SUSD5: variants seen among roughly 807,000 people sequenced by gnomAD.
SUSD5 encodes sushi domain-containing protein 5.
Under a neutral mutation model 29.5 loss-of-function variants are expected in SUSD5, and 33 were observed. The observed-to-expected ratio is 1.12, with a 90% CI of 0.85 to 1.49. The LOEUF (loss-of-function observed/expected upper bound fraction) is 1.49, where lower values mean the gene tolerates loss of function less well. Ranked by LOEUF, SUSD5 falls within the 40% of genes most tolerant of loss-of-function variation. The pLI is 0.00. For synonymous variants in SUSD5, 308 were observed against 325.3 expected (o/e 0.95, Z 0.57); for missense variants, 776 against 800.6 (o/e 0.97, Z 0.37).
At position 33,153,870 on chromosome 3, in the gene SUSD5, A is replaced by G. The variant is rs1248972157; in HGVS notation, c.762T>C (p.Ser254=). 1.2e-6 allele frequency: 2 copies of G among 1,614,014 alleles called. No homozygotes were observed. The highest frequency in any genetic ancestry group is 1.6e-4 in the Middle Eastern group (1 of 6,062). ...APKQDRLVSI[S]VGRENIARDK... ...CCCGGGCTATGTTTTCTCTCCCCAC[A>G]GAAATGGAGACCAGACGGTCCTGTT... Residue 254 remains serine (S), a synonymous_variant, in exon 5 of 5, where the codon TCT becomes TCC. Coordinates refer to ENST00000309558, the MANE Select transcript of SUSD5 (RefSeq NM_015551.2).
chr3:33,172,076 C>T (rs1238090717), intron 4 of SUSD5, among the ~76,000 whole-genome samples: 1 of 152,064 alleles, frequency 6.6e-6, no homozygotes, highest in Non-Finnish European at 1.5e-5. Flanking sequence ...GAGTGATTAT[C>T]CAAACCCAGA....
intron 1 of SUSD5, among the ~76,000 whole-genome samples, chr3:33,217,685 C>A (rs934309107): frequency 6.6e-6 from 1 of 151,788 alleles, no homozygotes; most frequent in East Asian, 1.9e-4. Flanking sequence ...TTCCTGACAA[C>A]CATGCTTTTT....
In SUSD5 at chr3:33,152,916, TCTG is replaced by T. The variant is rs1281845051; in HGVS notation, c.1713_1715del (p.Ser571del). The stretch of plus-strand genomic sequence containing the variant: ...TGACAATGGTGGCGATCACAGGGCC[TCTG>T]CTGAGGCCAGGACATCCGTCCCCCA... On this transcript the variant is annotated inframe_deletion, in exon 5 of 5. Transcript: ENST00000309558. 1 of 1,613,868 alleles carries T rather than the reference TCTG, an allele frequency of 6.2e-7. No homozygotes were observed. The highest frequency in any genetic ancestry group is 1.7e-5 in the Admixed American group (1 of 60,006).
intron 4 of SUSD5, among the ~76,000 whole-genome samples, chr3:33,161,240 AGGAG>A (rs748481489): frequency 6.6e-6 from 1 of 152,182 alleles, no homozygotes; most frequent in Non-Finnish European, 1.5e-5. Context: ...AGAAGCTGGG[AGGAG>A]GTAAATGGAG....
At chr3:33,191,307 T>C (rs1391147441) in intron 3 of SUSD5, among the ~76,000 whole-genome samples, 1 of 151,970 alleles carries the variant, frequency 6.6e-6, no homozygotes, top group African/African-American at 2.4e-5. Context: ...TTTTTTGTAT[T>C]TTTTAGTAGA....
chr3:33,158,223 T>G (rs1373787617), intron 4 of SUSD5, among the ~76,000 whole-genome samples: 1 of 152,210 alleles, frequency 6.6e-6, no homozygotes, highest in Non-Finnish European at 1.5e-5. Context: ...ATAGGCCCAC[T>G]TCTAAATTAC....
chr3:33,205,739 C>T (rs549503815), intron 3 of SUSD5, among the ~76,000 whole-genome samples: 13 of 152,310 alleles, frequency 8.5e-5, no homozygotes, highest in East Asian at 5.8e-4. Flanking sequence ...CCCAAGCCAA[C>T]GGCCAGCCAA....
rs1450005249 is a variant in SUSD5 at position 33,213,997 on chromosome 3, A to C, written c.221T>G (p.Leu74Arg). ...RGAHLASADE[L>R]RRVVQDCSFA... ...GGAGCAATCCTGTACCACTCTCCGC[A>C]GCTCGTCTGCAGATGCCAGGTGAGC... Residue 74 changes from leucine to arginine, a missense_variant, in exon 2 of 5, where the codon CTG (leucine) becomes CGG (arginine). Physicochemically the swap from Leu to Arg is moderately radical, Grantham distance 102 (BLOSUM62 -2). Transcript: ENST00000309558. 6.2e-7 allele frequency: 1 copy of C among 1,613,878 alleles called. No individual in the cohort carries two copies. Among genetic ancestry groups the C allele is most frequent in the Non-Finnish European group, 8.5e-7 (1 of 1,179,836 alleles).
chr3:33,179,476 GCTT>G (rs1559449811), intron 3 of SUSD5, among the ~76,000 whole-genome samples: 2 of 152,142 alleles, frequency 1.3e-5, no homozygotes, highest in Non-Finnish European at 2.9e-5. Context: ...TGTTTGTTGA[GCTT>G]CTTGTTGGCC....
chr3:33,207,617 C>T (rs2032245507), intron 3 of SUSD5, among the ~76,000 whole-genome samples, 191 bp downstream of exon 3: 2 of 152,192 alleles, frequency 1.3e-5, no homozygotes. Flanking sequence ...CTTAATATTG[C>T]ACCGATGCTT....
chr3:33,217,796 CTCTTT>C (rs778660016), intron 1 of SUSD5, among the ~76,000 whole-genome samples: 21 of 152,140 alleles, frequency 1.4e-4, no homozygotes, highest in Non-Finnish European at 2.5e-4. Flanking sequence ...GAGGGCTTTT[CTCTTT>C]TATCAGTCTA....
intron 1 of SUSD5, among the ~76,000 whole-genome samples, chr3:33,215,323 C>T (rs1575547834): frequency 6.6e-6 from 1 of 152,060 alleles, no homozygotes; most frequent in Non-Finnish European, 1.5e-5. Context: ...CTACAGAATA[C>T]ACATTCATTT....
intron 3 of SUSD5, among the ~76,000 whole-genome samples, chr3:33,194,103 C>A (rs995937536): frequency 6.6e-6 from 1 of 152,178 alleles, no homozygotes; most frequent in African/African-American, 2.4e-5. Context: ...GCCATCCGGA[C>A]CACTAAACTG....
chr3:33,169,544 A>G (rs2031377868), intron 4 of SUSD5, among the ~76,000 whole-genome samples: 1 of 152,120 alleles, frequency 6.6e-6, no homozygotes, highest in African/African-American at 2.4e-5. Flanking sequence ...AAATGAGTAC[A>G]GTTTATGGTA....
intron 4 of SUSD5, among the ~76,000 whole-genome samples, chr3:33,154,325 C>T (rs1007181572): frequency 6.6e-6 from 1 of 152,118 alleles, no homozygotes; most frequent in African/African-American, 2.4e-5. Context: ...GAGTTCGAGA[C>T]CAGCCTGGCC....
At chr3:33,198,693 CT>C (rs1449213512) in intron 3 of SUSD5, among the ~76,000 whole-genome samples, 2 of 152,184 alleles carry the variant, frequency 1.3e-5, no homozygotes, top group African/African-American at 2.4e-5. Context: ...CTGAAACCAT[CT>C]AGGCTCACTG....
At chr3:33,212,192 A>C (rs2032335223) in intron 2 of SUSD5, among the ~76,000 whole-genome samples, 2 of 152,204 alleles carry the variant, frequency 1.3e-5, no homozygotes, top group Non-Finnish European at 2.9e-5. Context: ...TCAAAACATC[A>C]CTACGCACCC....
chr3:33,153,363 G>A lies in SUSD5; in HGVS notation c.1269C>T (p.Ser423=), dbSNP rs749337270. The part of the protein sequence containing the change: ...ILVEVKKPKS[S]TLTPSEGMTH... ...TCATGCCCTCGCTTGGTGTGAGGGTGCTACTCTTGGGCTTCTTAACTTCCA... is the reference window on the plus strand; with the variant it reads ...TCATGCCCTCGCTTGGTGTGAGGGTACTACTCTTGGGCTTCTTAACTTCCA... Residue 423 remains serine, a synonymous_variant, in exon 5 of 5, where the codon AGC becomes AGT. Coordinates refer to ENST00000309558, the MANE Select transcript of SUSD5 (RefSeq NM_015551.2). The A allele has an allele frequency of 1.1e-5, 17 of 1,613,744 alleles. No homozygotes were observed. The highest frequency in any genetic ancestry group is 1.4e-5 in the Non-Finnish European group (16 of 1,179,836).
At chr3:33,171,370 A>G in intron 4 of SUSD5, among the ~76,000 whole-genome samples, 1 of 151,926 alleles carries the variant, frequency 6.6e-6, no homozygotes, top group South Asian at 2.1e-4. Flanking sequence ...TATTATGGGC[A>G]AATTAAGGCT....
Sources: allele counts gnomAD v4.1 joint callset (sites outside exome capture counted in the v4.1 genomes callset), GRCh38; gene constraint gnomAD v4.1.1; transcripts MANE v1.5; gene names NCBI Gene and HGNC (gene_info 2026-07-23, HGNC 2026-07-21).